Variants in RAB23 observed in about 807,000 individuals in gnomAD.
RAB23 encodes ras-related protein Rab-23.
Under a neutral mutation model 30.0 loss-of-function variants are expected in RAB23, and 15 were observed. That is an observed-to-expected ratio of 0.50 (90% CI 0.33 to 0.77). The LOEUF (loss-of-function observed/expected upper bound fraction) is 0.77. RAB23 is among the 30% of genes least tolerant of loss of function. RAB23 has a pLI of 0.02. For missense variants in RAB23, 243 were observed against 275.4 expected, an observed-to-expected ratio of 0.88 and a Z score of 0.83; for synonymous variants, 93 against 94.0, an observed-to-expected ratio of 0.99 and a Z score of 0.06.
intron 3 of RAB23, among the ~76,000 whole-genome samples, chr6:57,200,563 T>C (rs147727327): frequency 6.7e-6 from 1 of 150,120 alleles, no homozygotes; most frequent in Admixed American, 6.7e-5. Context: ...AAAAAAGAAT[T>C]TTTTTAGAGG....
Position 57,190,355 on chromosome 6 carries a change from C to T in RAB23, c.*106G>A. 7.6e-7 allele frequency: 1 copy of T among 1,319,114 alleles called. No individual in the cohort carries two copies. The highest frequency in any genetic ancestry group is 1.1e-6 in the Non-Finnish European group (1 of 918,750). The allele number at this position is 1,319,114 out of a possible 1,614,324, so 81.7% of individuals were successfully genotyped here. A position where few individuals can be genotyped will look rare whatever the true frequency, so the allele number is the denominator to read the frequency against. On this transcript the variant is annotated 3_prime_UTR_variant, in exon 7 of 7. Coordinates refer to ENST00000468148, the MANE Select transcript of RAB23 (RefSeq NM_016277.5). ...TTTAAGTCTGTCACTTTCAGAGAGC[C>T]ATTAGGAGCAAAGTCTGCTGAAAAC...
intron 1 of RAB23, among the ~76,000 whole-genome samples, chr6:57,217,657 A>G (rs1487068144): frequency 6.6e-6 from 1 of 152,210 alleles, no homozygotes; most frequent in African/African-American, 2.4e-5. Flanking sequence ...AAAGGAAAAA[A>G]GTTTCAACTC....
intron 6 of RAB23, among the ~76,000 whole-genome samples, chr6:57,191,459 T>A (rs1412020064): frequency 1.3e-5 from 2 of 152,238 alleles, no homozygotes; most frequent in Non-Finnish European, 2.9e-5. Flanking sequence ...TTTTATTTAT[T>A]TATTTTTTGA....
chr6:57,195,143 CTT>C (rs1764975151), intron 4 of RAB23, among the ~76,000 whole-genome samples: 1 of 152,156 alleles, frequency 6.6e-6, no homozygotes, highest in South Asian at 2.1e-4. Flanking sequence ...ACATAGAAGA[CTT>C]TTCTATAAAG....
intron 1 of RAB23, among the ~76,000 whole-genome samples, chr6:57,219,276 A>G (rs994862430): frequency 6.6e-6 from 1 of 152,258 alleles, no homozygotes; most frequent in African/African-American, 2.4e-5. Flanking sequence ...TAAATGTAAC[A>G]AAACATGTAC....
rs148964733 is a variant in RAB23 at position 57,214,434 on chromosome 6, C to A, written c.-65-3989G>T. Among the ~76,000 whole-genome samples, 820 of 152,282 alleles carry A rather than the reference C, an allele frequency of 5.4e-3. 9 individuals are homozygous for A. The highest frequency in any genetic ancestry group is 7.2e-3 in the Non-Finnish European group (488 of 68,024). ...GGCTCAAGCAATCATCCCACCTCAG[C>A]TGGGACTACAGGCGCACACCACCAC... On this transcript the variant is annotated intron_variant, in intron 1 of 6. Coordinates refer to ENST00000468148, the MANE Select transcript of RAB23 (RefSeq NM_016277.5).
chr6:57,205,924 G>A (rs745799917), intron 3 of RAB23, among the ~76,000 whole-genome samples: 1 of 152,182 alleles, frequency 6.6e-6, no homozygotes, highest in African/African-American at 2.4e-5. Flanking sequence ...AGGAGGAAGG[G>A]ATTCCCAAAG....
At chr6:57,203,469 G>A (rs1349358394) in intron 3 of RAB23, among the ~76,000 whole-genome samples, 2 of 152,168 alleles carry the variant, frequency 1.3e-5, no homozygotes, top group Non-Finnish European at 2.9e-5. Context: ...ATTTCATGCA[G>A]AGAATTTAGA....
In RAB23 at chr6:57,219,414, C is replaced by T. The variant is rs150014438; in HGVS notation, c.-66+2312G>A. Among the ~76,000 whole-genome samples the T allele has an allele frequency of 1.5e-3, 228 of 152,286 alleles. 1 individual carries two copies. The highest frequency in any genetic ancestry group is 5.2e-3 in the African/African-American group (215 of 41,552). Reference sequence around the variant, plus strand: ...CAGCAATTCTCCCTAAATTGATCTACGGGTGTAATACAATTTCAATCAAAG... The same window carrying T: ...CAGCAATTCTCCCTAAATTGATCTATGGGTGTAATACAATTTCAATCAAAG... On this transcript the variant is annotated intron_variant, in intron 1 of 6. Transcript: ENST00000468148.
chr6:57,205,585 T>C (rs1765429826), intron 3 of RAB23, among the ~76,000 whole-genome samples: 1 of 152,192 alleles, frequency 6.6e-6, no homozygotes, highest in Non-Finnish European at 1.5e-5. Context: ...AAAAAATTAT[T>C]AACTGTTCAG....
chr6:57,214,488 G>A (rs888668488), intron 1 of RAB23, among the ~76,000 whole-genome samples: 1 of 152,088 alleles, frequency 6.6e-6, no homozygotes, highest in Admixed American at 6.5e-5. Context: ...TTTTTTTGTA[G>A]AGACAGGGTT....
intron 2 of RAB23, among the ~76,000 whole-genome samples, chr6:57,209,407 C>T (rs1765566844): frequency 6.6e-6 from 1 of 152,108 alleles, no homozygotes; most frequent in Non-Finnish European, 1.5e-5. Context: ...AAAAAGCAAA[C>T]ATCATCAAGA....
In RAB23 at chr6:57,188,271, T is replaced by C. The variant is rs1764688460; in HGVS notation, c.*2190A>G. 6.6e-6 allele frequency: 1 copy of C among 152,202 alleles called. No homozygotes were observed. Among genetic ancestry groups the C allele is most frequent in the Non-Finnish European group, 1.5e-5 (1 of 68,012 alleles). The allele number at this position is 152,202 out of a possible 1,614,324, so 9.4% of individuals were successfully genotyped here. A position where few individuals can be genotyped will look rare whatever the true frequency, so the allele number is the denominator to read the frequency against. On this transcript the variant is annotated 3_prime_UTR_variant, in exon 7 of 7. Coordinates refer to ENST00000468148, the MANE Select transcript of RAB23 (RefSeq NM_016277.5). The stretch of plus-strand genomic sequence containing the variant: ...GCTGACTTTCAGGCCTACTTAATTA[T>C]TTTAAATGACTAATTATGGTTAGGT...
intron 3 of RAB23, among the ~76,000 whole-genome samples, chr6:57,200,501 C>A (rs1423797290): frequency 3.6e-5 from 5 of 138,708 alleles, no homozygotes; most frequent in Non-Finnish European, 6.1e-5. Flanking sequence ...CATGCCATCG[C>A]ACTCCAGCTT....
At chr6:57,192,369 G>A (rs1324976667) in intron 6 of RAB23, among the ~76,000 whole-genome samples, 1 of 152,186 alleles carries the variant, frequency 6.6e-6, no homozygotes, top group Admixed American at 6.5e-5. Flanking sequence ...ATACAAAGGT[G>A]ACTAAGACCA....
At chr6:57,192,850 C>T (rs1465464279) in intron 6 of RAB23, among the ~76,000 whole-genome samples, 1 of 151,596 alleles carries the variant, frequency 6.6e-6, no homozygotes, top group African/African-American at 2.4e-5. Context: ...AGGTCATTCT[C>T]AATAGAAGAA....
intron 3 of RAB23, among the ~76,000 whole-genome samples, chr6:57,206,919 C>T (rs1765475395): frequency 2.0e-5 from 3 of 152,168 alleles, no homozygotes; most frequent in Admixed American, 1.3e-4. Context: ...TATGAATGAT[C>T]AATTAATATT....
At chr6:57,201,566 T>C (rs1029079980) in intron 3 of RAB23, among the ~76,000 whole-genome samples, 3 of 152,230 alleles carry the variant, frequency 2.0e-5, no homozygotes, top group Admixed American at 2.0e-4. Context: ...CTTTGCACTC[T>C]TCCTCAAACC....
intron 4 of RAB23, 46 bp from the exon 5 acceptor site, chr6:57,194,898 A>G: frequency 4.9e-6 from 7 of 1,423,308 alleles, no homozygotes; most frequent in Non-Finnish European, 6.9e-6. Flanking sequence ...GTGCCTTCTG[A>G]TAGCTTGTTT....
Sources: allele counts gnomAD v4.1 joint callset (sites outside exome capture counted in the v4.1 genomes callset), GRCh38; gene constraint gnomAD v4.1.1; transcripts MANE v1.5; gene names NCBI Gene and HGNC (gene_info 2026-07-23, HGNC 2026-07-21).